Variants in POC1A observed in about 807,000 individuals in gnomAD.
POC1A encodes the protein POC1 centriolar protein homolog A.
Under a neutral mutation model 47.8 loss-of-function variants are expected in POC1A, and 34 were observed. That is an observed-to-expected ratio of 0.71 (90% CI 0.54 to 0.95). The LOEUF (loss-of-function observed/expected upper bound fraction) is 0.95, where lower values mean the gene tolerates loss of function less well. POC1A is among the 40% of genes least tolerant of loss of function. The pLI, the probability that POC1A is intolerant of heterozygous loss-of-function variation, is 0.00. For missense variants in POC1A, 466 were observed against 528.3 expected (o/e 0.88, Z 1.16); for synonymous variants, 177 against 207.6 (o/e 0.85, Z 1.27).
At chr3:52,153,940 C>T (rs555175841) in intron 1 of POC1A, among the ~76,000 whole-genome samples, 1 of 152,370 alleles carries the variant, frequency 6.6e-6, no homozygotes, top group East Asian at 1.9e-4. Flanking sequence ...ACACTGCAGG[C>T]CCGGGCATCC....
intron 6 of POC1A, among the ~76,000 whole-genome samples, chr3:52,139,186 C>T (rs1016810034): frequency 7.2e-5 from 11 of 152,160 alleles, no homozygotes; most frequent in Non-Finnish European, 1.5e-4. Context: ...TACCATAGCA[C>T]CTATGTGTAA....
intron 9 of POC1A, among the ~76,000 whole-genome samples, chr3:52,111,434 G>T (rs1368988856): frequency 6.6e-6 from 1 of 152,140 alleles, no homozygotes; most frequent in Non-Finnish European, 1.5e-5. Context: ...ATCACCAGAG[G>T]TCAAGAGTTT....
At chr3:52,125,261 T>C (rs1409637584) in intron 7 of POC1A, 80 bp from the exon 8 acceptor site, 2 of 1,178,998 alleles carry the variant, frequency 1.7e-6, no homozygotes, top group African/African-American at 1.5e-5. Flanking sequence ...GAGACGTTCT[T>C]GAATGAAAGC....
chr3:52,077,123 C>T (rs913978027), intron 10 of POC1A, among the ~76,000 whole-genome samples: 1 of 152,236 alleles, frequency 6.6e-6, no homozygotes, highest in African/African-American at 2.4e-5. Context: ...TGGCTGAGTG[C>T]CTTACTGTAT....
At chr3:52,135,783 C>T (rs939654863) in intron 7 of POC1A, among the ~76,000 whole-genome samples, 1 of 152,192 alleles carries the variant, frequency 6.6e-6, no homozygotes. Context: ...CATGCTGCTG[C>T]ACATCATTAG....
rs1052554768 is a variant in POC1A, at chr3:52,078,505, T to C, written c.1126-2520A>G. On this transcript the variant is annotated intron_variant, in intron 10 of 10. Transcript: ENST00000296484. ...TAGACAGTGAAACATGGAAATCTCT[T>C]TTTTTTTTTTTTTTTTTTTTTTTAA... 5.4e-4 allele frequency among the ~76,000 whole-genome samples: 57 copies of C among 105,386 alleles called. No homozygotes were observed. In the East Asian group the frequency reaches 0.021, roughly 39 times the overall value. The allele number at this position is 105,386 out of a possible 152,430, so 69.1% of individuals were successfully genotyped here.
rs182315143 is a variant in POC1A at position 52,111,198 on chromosome 3, G to T, written c.981+11181C>A. 4.3e-3 allele frequency among the ~76,000 whole-genome samples: 661 copies of T among 152,202 alleles called. 4 individuals carry two copies. Among genetic ancestry groups the T allele is most frequent in the Non-Finnish European group, 7.7e-3 (527 of 68,032 alleles). ...GAGGAACCTACTTGCTTTTAGAATG[G>T]ATGGAAATTTTTCTAGTGACAGGAA... On this transcript the variant is annotated intron_variant, in intron 9 of 10. Transcript: ENST00000296484.
chr3:52,123,511 C>T (rs1200768434), intron 8 of POC1A, among the ~76,000 whole-genome samples: 3 of 152,206 alleles, frequency 2.0e-5, no homozygotes, highest in South Asian at 2.1e-4. Context: ...CTGTGAGCCT[C>T]GTTCTTCAGG....
chr3:52,129,999 T>G (rs749193013), intron 7 of POC1A, among the ~76,000 whole-genome samples: 2 of 152,214 alleles, frequency 1.3e-5, no homozygotes, highest in Non-Finnish European at 2.9e-5. Flanking sequence ...CTCGCTCTGC[T>G]GCTCCGGCAG....
chr3:52,137,793 C>G (rs1265623910), intron 7 of POC1A, among the ~76,000 whole-genome samples: 1 of 152,220 alleles, frequency 6.6e-6, no homozygotes, highest in Non-Finnish European at 1.5e-5. Flanking sequence ...TCTAGACACA[C>G]TGATGTCTGC....
chr3:52,122,585 G>T, intron 8 of POC1A, 108 bp from the exon 9 acceptor site: 1 of 729,578 alleles, frequency 1.4e-6, no homozygotes. Context: ...AGCCATGGTG[G>T]GATAGTGGTC....
intron 7 of POC1A, among the ~76,000 whole-genome samples, chr3:52,134,283 G>A (rs1321149035): frequency 6.6e-6 from 1 of 152,170 alleles, no homozygotes; most frequent in Non-Finnish European, 1.5e-5. Context: ...ATTTAAAAAT[G>A]GTAAAGATGG....
intron 9 of POC1A, among the ~76,000 whole-genome samples, chr3:52,118,827 G>A (rs934211558): frequency 6.6e-6 from 1 of 152,190 alleles, no homozygotes; most frequent in African/African-American, 2.4e-5. Flanking sequence ...AGATTCATGA[G>A]TTCTTGGGGC....
intron 9 of POC1A, among the ~76,000 whole-genome samples, chr3:52,107,566 C>T (rs1385173314): frequency 1.3e-5 from 2 of 152,208 alleles, no homozygotes; most frequent in Non-Finnish European, 2.9e-5. Flanking sequence ...GGGCTCACTA[C>T]GAGCTGGTGC....
intron 4 of POC1A, 44 bp downstream of exon 4, chr3:52,149,166 C>T: frequency 6.3e-7 from 1 of 1,583,816 alleles, no homozygotes; most frequent in Non-Finnish European, 8.7e-7. Context: ...CAGCCCCCAA[C>T]CCCCAGGGTT....
At chr3:52,129,934 T>G (rs1704146549) in intron 7 of POC1A, among the ~76,000 whole-genome samples, 1 of 152,230 alleles carries the variant, frequency 6.6e-6, no homozygotes, top group African/African-American at 2.4e-5. Flanking sequence ...AAAGATTTTT[T>G]TTTAAGGCAA....
intron 7 of POC1A, among the ~76,000 whole-genome samples, chr3:52,127,354 T>C (rs554675769): frequency 1.3e-5 from 2 of 151,982 alleles, no homozygotes; most frequent in South Asian, 4.1e-4. Context: ...TAACTTTTAC[T>C]TGATTCTTAG....
Position 52,145,868 on chromosome 3 carries a change from G to A in POC1A, c.657C>T (p.His219=). The A allele has an allele frequency of 6.2e-7, 1 of 1,613,434 alleles. No homozygotes were observed. Among genetic ancestry groups the A allele is most frequent in the Non-Finnish European group, 8.5e-7 (1 of 1,179,562 alleles). ...CACACTGATAATGCTGCAGCAGCCG[G>A]TGAGTCCGCACGTCCCACACCTTCA... ...NTVKVWDVRT[H]RLLQHYQLHS... The change falls in exon 6 of 11, where the codon CAC becomes CAT. Residue 219 remains histidine (H), a synonymous_variant. Transcript: ENST00000296484.
At chr3:52,148,430 T>C (rs1292763523) in intron 4 of POC1A, among the ~76,000 whole-genome samples, 2 of 152,248 alleles carry the variant, frequency 1.3e-5, no homozygotes, top group Non-Finnish European at 2.9e-5. Flanking sequence ...GGTTTCCTAA[T>C]GTCACCTGGC....
Sources: allele counts gnomAD v4.1 joint callset (sites outside exome capture counted in the v4.1 genomes callset), GRCh38; gene constraint gnomAD v4.1.1; transcripts MANE v1.5; gene names NCBI Gene and HGNC (gene_info 2026-07-23, HGNC 2026-07-21).